The following FBXO36 variants were observed in gnomAD, a reference collection of about 807,000 sequenced individuals.
FBXO36 encodes F-box protein 36, also known as F-box only protein 36.
In FBXO36, 18 loss-of-function variants were observed where a neutral mutation model predicts 17.0. The ratio of observed to expected loss-of-function variants is 1.06; its 90% CI spans 0.73 to 1.57. The LOEUF is 1.57. FBXO36 is among the 40% of genes most tolerant of loss of function. The probability of loss-of-function intolerance (pLI) is 0.00; values close to 1 mark genes in which losing one functional copy is unlikely to be tolerated. For synonymous variants in FBXO36, 83 were observed against 85.3 expected, an observed-to-expected ratio of 0.97 and a Z score of 0.15; for missense variants, 229 against 221.9, an observed-to-expected ratio of 1.03 and a Z score of -0.20.
At chr2:229,939,535 C>G (rs903674906) in intron 1 of FBXO36, among the ~76,000 whole-genome samples, 1 of 151,938 alleles carries the variant, frequency 6.6e-6, no homozygotes, top group African/African-American at 2.4e-5. Context: ...CGCTTGAGCC[C>G]GGGAAGTGGA....
intron 1 of FBXO36, among the ~76,000 whole-genome samples, chr2:229,957,751 T>C (rs913956968): frequency 2.6e-5 from 4 of 152,190 alleles, no homozygotes; most frequent in African/African-American, 9.7e-5. Flanking sequence ...AGCAAATGTT[T>C]GTCTGATCCA....
Position 229,965,163 on chromosome 2 carries a change from T to TG in FBXO36, c.97-11078_97-11077insG, listed in dbSNP as rs1270080197. Among the ~76,000 whole-genome samples, 2 of 148,196 alleles carry TG rather than the reference T, an allele frequency of 1.3e-5. 1 individual carries two copies. Among genetic ancestry groups the TG allele is most frequent in the Admixed American group, 1.4e-4 (2 of 14,800 alleles). On this transcript the variant is annotated intron_variant, in intron 1 of 3. Coordinates refer to ENST00000283946, the MANE Select transcript of FBXO36 (RefSeq NM_174899.5). ...TCTTCCTTCCTTTTTTTTTTTTTTT[T>TG]TGTAGAGATGAGGGTCTTACTATGT...
intron 3 of FBXO36, among the ~76,000 whole-genome samples, chr2:230,004,278 C>G (rs1489329894): frequency 6.6e-6 from 1 of 152,180 alleles, no homozygotes; most frequent in Non-Finnish European, 1.5e-5. Flanking sequence ...AGCTCAAGGG[C>G]AAGGATTGTG....
chr2:229,966,751 G>C (rs973459202), intron 1 of FBXO36, among the ~76,000 whole-genome samples: 6 of 152,188 alleles, frequency 3.9e-5, no homozygotes, highest in African/African-American at 1.4e-4. Context: ...TCTCTGTTTT[G>C]GTACCAGTAC....
At chr2:229,980,765 A>G (rs2077235059) in intron 2 of FBXO36, among the ~76,000 whole-genome samples, 1 of 152,102 alleles carries the variant, frequency 6.6e-6, no homozygotes, top group Non-Finnish European at 1.5e-5. Flanking sequence ...TTCCTGCTGG[A>G]CAGCAGGAGA....
intron 1 of FBXO36, among the ~76,000 whole-genome samples, chr2:229,969,546 G>A (rs951355765): frequency 5.3e-5 from 8 of 152,074 alleles, no homozygotes; most frequent in African/African-American, 1.9e-4. Flanking sequence ...AAATTAGCCG[G>A]GCGTGGTGGC....
At chr2:229,967,979 A>G (rs955519471) in intron 1 of FBXO36, among the ~76,000 whole-genome samples, 1 of 152,124 alleles carries the variant, frequency 6.6e-6, no homozygotes, top group African/African-American at 2.4e-5. Flanking sequence ...TACCTCTGGT[A>G]GAATTCGGCT....
rs150685352 is a variant in FBXO36 at position 230,002,026 on chromosome 2, C to T, written c.378+5103C>T. 4.5e-3 allele frequency among the ~76,000 whole-genome samples: 687 copies of T among 152,122 alleles called. 6 individuals carry two copies. Among genetic ancestry groups the T allele is most frequent in the African/African-American group, 0.016 (654 of 41,496 alleles). On this transcript the variant is annotated intron_variant, in intron 3 of 3. Coordinates refer to ENST00000283946, the MANE Select transcript of FBXO36 (RefSeq NM_174899.5). ...TTTATTTCTGTATTTTTGGTAGAGA[C>T]GGGGTTTTACCACGTTGGCCAGGCT...
intron 1 of FBXO36, among the ~76,000 whole-genome samples, chr2:229,945,581 C>T (rs1473909535): frequency 2.0e-5 from 3 of 149,334 alleles, no homozygotes; most frequent in African/African-American, 7.4e-5. Context: ...GCTGGGATTA[C>T]AGGCATGACC....
chr2:229,994,886 C>A (rs537865797), intron 2 of FBXO36, among the ~76,000 whole-genome samples: 8 of 152,070 alleles, frequency 5.3e-5, no homozygotes, highest in Non-Finnish European at 8.8e-5. Flanking sequence ...GAGGCTGAGG[C>A]GGGTGGATCA....
intron 1 of FBXO36, chr2:229,939,037 CT>C (rs148407558): frequency 9.8e-5 from 15 of 153,504 alleles, no homozygotes; most frequent in African/African-American, 2.5e-4. Flanking sequence ...ACAGATACAC[CT>C]TTTTTTTGGT....
At chr2:229,943,906 G>C (rs1341209238) in intron 1 of FBXO36, among the ~76,000 whole-genome samples, 2 of 152,146 alleles carry the variant, frequency 1.3e-5, no homozygotes, top group Non-Finnish European at 2.9e-5. Context: ...GAGGTGATTA[G>C]ATCATGGGGG....
intron 3 of FBXO36, among the ~76,000 whole-genome samples, chr2:230,009,757 A>G (rs1005624083): frequency 5.3e-5 from 8 of 151,406 alleles, no homozygotes; most frequent in African/African-American, 1.7e-4. Flanking sequence ...AGCCTGATCA[A>G]CGTGGCGAAA....
At chr2:229,960,405 G>A (rs559653383) in intron 1 of FBXO36, among the ~76,000 whole-genome samples, 2 of 152,054 alleles carry the variant, frequency 1.3e-5, no homozygotes, top group South Asian at 2.1e-4. Context: ...TATCAAACTC[G>A]GAGGCTCAAA....
intron 1 of FBXO36, among the ~76,000 whole-genome samples, chr2:229,932,082 CTAAGAAAG>C (rs568995447): frequency 5.1e-4 from 77 of 151,996 alleles, no homozygotes; most frequent in Admixed American, 1.2e-3. Context: ...CCATGCCCAG[CTAAGAAAG>C]TAGTGTTTTA....
In FBXO36 at chr2:229,958,257, C is replaced by CTTTT. The variant is rs1161188534; in HGVS notation, c.97-17960_97-17957dup. 1.4e-3 allele frequency among the ~76,000 whole-genome samples: 110 copies of CTTTT among 78,698 alleles called. 4 individuals carry two copies. The highest frequency in any genetic ancestry group is 1.7e-3 in the Non-Finnish European group (70 of 40,924). The allele number at this position is 78,698 out of a possible 152,430, so 51.6% of individuals were successfully genotyped here. On this transcript the variant is annotated intron_variant, in intron 1 of 3. Transcript: ENST00000283946. ...ATTGTTTACAGAGAGCTCTGACTTT[C>CTTTT]TTTTTTTTTTTTTTTTTTTTTTTTT...
rs1297029975 is a variant in FBXO36 at position 230,012,666 on chromosome 2, C to T, written c.*1782C>T. ...GCTGCCTTGGCTCTCCCTGAGCTCC[C>T]AGACTTCACTCATGGCCTAATTTTC... On this transcript the variant is annotated 3_prime_UTR_variant, in exon 4 of 4. Transcript: ENST00000283946. The T allele has an allele frequency of 1.3e-5, 2 of 151,790 alleles. No individual in the cohort carries two copies. Among genetic ancestry groups the T allele is most frequent in the East Asian group, 3.8e-4 (2 of 5,200 alleles). The allele number at this position is 151,790 out of a possible 1,614,324, so 9.4% of individuals were successfully genotyped here.
intron 2 of FBXO36, among the ~76,000 whole-genome samples, chr2:229,981,596 G>A (rs969490400): frequency 6.6e-6 from 1 of 151,386 alleles, no homozygotes; most frequent in Non-Finnish European, 1.5e-5. Flanking sequence ...CAGTTACTCA[G>A]GAGGCTGAGG....
chr2:229,930,566 C>T (rs1219873624), intron 1 of FBXO36, among the ~76,000 whole-genome samples: 1 of 151,804 alleles, frequency 6.6e-6, no homozygotes, highest in African/African-American at 2.4e-5. Flanking sequence ...GCCTAGCCAA[C>T]GTGGTGAAAC....
Sources: allele counts gnomAD v4.1 joint callset (sites outside exome capture counted in the v4.1 genomes callset), GRCh38; gene constraint gnomAD v4.1.1; transcripts MANE v1.5; gene names NCBI Gene and HGNC (gene_info 2026-07-23, HGNC 2026-07-21).